The following OPCML variants were observed in gnomAD, a reference collection of about 807,000 sequenced individuals.
OPCML encodes the protein opioid-binding protein/cell adhesion molecule.
OPCML carries 13 observed loss-of-function variants against 37.8 expected under a neutral mutation model. The observed-to-expected ratio is 0.34, with a 90% CI of 0.22 to 0.55. The LOEUF is 0.55. Among genes scored for constraint, OPCML ranks in the 20% least tolerant of loss-of-function variants. The pLI is 0.91. For synonymous variants in OPCML, 176 were observed against 168.8 expected, an observed-to-expected ratio of 1.04 and a Z score of -0.33; for missense variants, 341 against 435.6, an observed-to-expected ratio of 0.78 and a Z score of 1.93.
At chr11:133,163,230 G>A (rs1328350197) in intron 1 of OPCML, among the ~76,000 whole-genome samples, 2 of 152,136 alleles carry the variant, frequency 1.3e-5, no homozygotes, top group East Asian at 3.9e-4. Context: ...TCTAATTTGG[G>A]GGCAGCATGT....
chr11:132,928,885 T>C (rs937918445), intron 2 of OPCML, among the ~76,000 whole-genome samples: 2 of 151,786 alleles, frequency 1.3e-5, no homozygotes, highest in Non-Finnish European at 2.9e-5. Flanking sequence ...AAAAAAACAA[T>C]TTTTATAACA....
Position 132,943,453 on chromosome 11 carries a change from G to T in OPCML, c.62-443C>A. On this transcript the variant is annotated intron_variant, in intron 1 of 7. Coordinates refer to ENST00000524381, the MANE Select transcript of OPCML (RefSeq NM_001012393.5). This position sits in a 1 kb window ranked among gnomAD's most constrained non-coding sequence, Gnocchi z 4.3. ...CTCTCTCTTCGAGACGCTACTTTAA[G>T]ATTCAGTTGGGCACGTTCTGCAGAG... is the stretch of plus-strand genomic sequence containing the variant. 1 of 327,674 alleles carries T rather than the reference G, an allele frequency of 3.1e-6. No homozygotes were observed. Among genetic ancestry groups the T allele is most frequent in the South Asian group, 4.2e-5 (1 of 23,702 alleles). 20.3% of individuals were successfully genotyped at this position (327,674 alleles called of 1,614,324 possible).
chr11:133,027,039 G>A (rs1947567476), intron 1 of OPCML, among the ~76,000 whole-genome samples: 1 of 152,206 alleles, frequency 6.6e-6, no homozygotes, highest in Non-Finnish European at 1.5e-5. Flanking sequence ...TAGCTGAAAT[G>A]CTTGGGAGTT....
chr11:133,504,030 C>T (rs1947975313), intron 1 of OPCML, among the ~76,000 whole-genome samples: 1 of 151,718 alleles, frequency 6.6e-6, no homozygotes, highest in Non-Finnish European at 1.5e-5. Flanking sequence ...GAAGACTCTA[C>T]TAGCCCCAGG....
intron 2 of OPCML, among the ~76,000 whole-genome samples, chr11:132,931,537 A>G (rs2136631525): frequency 6.6e-6 from 1 of 152,354 alleles, no homozygotes; most frequent in Non-Finnish European, 1.5e-5. Flanking sequence ...AGAAGGATAT[A>G]CAAATGGTCA....
intron 2 of OPCML, among the ~76,000 whole-genome samples, chr11:132,745,761 C>T (rs1294311592): frequency 6.6e-6 from 1 of 152,044 alleles, no homozygotes; most frequent in African/African-American, 2.4e-5. Context: ...GGGTGTCAGG[C>T]CAGGTGGAAG....
chr11:132,876,464 G>A (rs558671838), intron 2 of OPCML, among the ~76,000 whole-genome samples: 5 of 152,224 alleles, frequency 3.3e-5, no homozygotes, highest in Non-Finnish European at 7.4e-5. Flanking sequence ...GCTCTGAATG[G>A]CCACCAGAGG....
At chr11:133,427,139 CT>C (rs1473722293) in intron 1 of OPCML, among the ~76,000 whole-genome samples, 1 of 151,946 alleles carries the variant, frequency 6.6e-6, no homozygotes, top group Non-Finnish European at 1.5e-5. Context: ...AAAAACTTGC[CT>C]TCACTACAGT....
chr11:133,215,486 GT>G (rs1352341789), intron 1 of OPCML, among the ~76,000 whole-genome samples: 1 of 152,144 alleles, frequency 6.6e-6, no homozygotes, highest in African/African-American at 2.4e-5. Context: ...ACTGATACCA[GT>G]TCGAATCCCA....
At chr11:133,500,084 C>A (rs190945143) in intron 1 of OPCML, among the ~76,000 whole-genome samples, 3,736 of 151,940 alleles carry the variant, frequency 0.025, 156 homozygotes, top group African/African-American at 0.085. Flanking sequence ...CTTGGCCAGG[C>A]TGGTCTTGAA....
intron 1 of OPCML, among the ~76,000 whole-genome samples, chr11:133,064,105 G>C (rs1050072112): frequency 1.3e-5 from 2 of 152,190 alleles, no homozygotes; most frequent in Admixed American, 1.3e-4. Context: ...TGCAGGTGAA[G>C]GGGGCTGACC....
chr11:133,274,342 A>AC lies in OPCML; in HGVS notation c.61+257921_61+257922insG, dbSNP rs1555127705. Among the ~76,000 whole-genome samples the AC allele has an allele frequency of 2.0e-5, 3 of 151,994 alleles. No individual in the cohort carries two copies. In the East Asian group the frequency reaches 5.8e-4, roughly 29 times the overall value. On this transcript the variant is annotated intron_variant, in intron 1 of 7. Coordinates refer to ENST00000524381, the MANE Select transcript of OPCML (RefSeq NM_001012393.5). The stretch of plus-strand genomic sequence containing the variant: ...TGGAATAGGGTGGGCCATTAATCCA[A>AC]TATGGCTCGTAAGAAAAGGAGAAAA...
In OPCML at chr11:132,692,482, T is replaced by C. The variant is rs562276642; in HGVS notation, c.147-35163A>G. On this transcript the variant is annotated intron_variant, in intron 2 of 7. Coordinates refer to ENST00000524381, the MANE Select transcript of OPCML (RefSeq NM_001012393.5). ...TGTATTAAAGAGAACCTGACTATAT[T>C]GCTCCATATTCAGTCTTAGATCCAA... Among the ~76,000 whole-genome samples the C allele has an allele frequency of 9.8e-5, 15 of 152,352 alleles. No individual in the cohort carries two copies. The East Asian group carries it at 2.7e-3, about 27-fold the overall frequency.
At chr11:132,476,142 G>T (rs1157378593) in intron 4 of OPCML, among the ~76,000 whole-genome samples, 1 of 152,140 alleles carries the variant, frequency 6.6e-6, no homozygotes, top group African/African-American at 2.4e-5. Flanking sequence ...AAATCAAAGA[G>T]CCATACTCTT....
chr11:133,327,305 A>G (rs1943497775), intron 1 of OPCML, among the ~76,000 whole-genome samples: 1 of 151,844 alleles, frequency 6.6e-6, no homozygotes, highest in Admixed American at 6.6e-5. Context: ...TCCAGGATGT[A>G]CTAGAAGGAT....
At chr11:133,441,887 C>T (rs1177239602) in intron 1 of OPCML, among the ~76,000 whole-genome samples, 1 of 151,930 alleles carries the variant, frequency 6.6e-6, no homozygotes, top group African/African-American at 2.4e-5. Flanking sequence ...CTCAGCAGAA[C>T]AGAAATTATG....
intron 1 of OPCML, among the ~76,000 whole-genome samples, chr11:133,137,524 T>C (rs1949709926): frequency 1.3e-5 from 2 of 152,188 alleles, no homozygotes; most frequent in African/African-American, 4.8e-5. Flanking sequence ...CTCTCATGCA[T>C]TAGGTACTTC....
chr11:132,615,725 T>C (rs79373432), intron 3 of OPCML, among the ~76,000 whole-genome samples: 25 of 152,284 alleles, frequency 1.6e-4, no homozygotes, highest in East Asian at 7.7e-4. Context: ...CAGTGCTGCA[T>C]TGATACCGAG....
chr11:133,222,679 G>A (rs1168542656), intron 1 of OPCML, among the ~76,000 whole-genome samples: 3 of 152,266 alleles, frequency 2.0e-5, no homozygotes, highest in Admixed American at 6.5e-5. Flanking sequence ...AAATTATGTA[G>A]CTGTCTTCAT....
Sources: allele counts gnomAD v4.1 joint callset (sites outside exome capture counted in the v4.1 genomes callset), GRCh38; gene constraint gnomAD v4.1.1; non-coding constraint Gnocchi (gnomAD v3.1); transcripts MANE v1.5; gene names NCBI Gene and HGNC (gene_info 2026-07-23, HGNC 2026-07-21).